The following MDFIC variants were observed in gnomAD, a reference collection of about 807,000 sequenced individuals.
The protein encoded by MDFIC is MyoD family inhibitor domain containing.
Under a neutral mutation model 23.2 loss-of-function variants are expected in MDFIC, and 17 were observed. The ratio of observed to expected loss-of-function variants is 0.73; its 90% confidence interval spans 0.50 to 1.10. The LOEUF (loss-of-function observed/expected upper bound fraction) is 1.10. Among genes scored for constraint, MDFIC ranks in the 50% least tolerant of loss-of-function variants. MDFIC has a pLI of 0.00. For synonymous variants in MDFIC, 120 were observed against 115.2 expected, an observed-to-expected ratio of 1.04 and a Z score of -0.27; for missense variants, 356 against 316.6, an observed-to-expected ratio of 1.12 and a Z score of -0.95.
At chr7:115,007,293 C>G (rs1791588100) in intron 4 of MDFIC, among the ~76,000 whole-genome samples, 1 of 152,172 alleles carries the variant, frequency 6.6e-6, no homozygotes, top group African/African-American at 2.4e-5. Flanking sequence ...TTAGTAAGCA[C>G]TTGCATGTTA....
intron 4 of MDFIC, among the ~76,000 whole-genome samples, chr7:114,983,511 A>G (rs6466505): frequency 0.39 from 59,011 of 149,980 alleles, 12,076 homozygotes; most frequent in South Asian, 0.51. Context: ...CATGTCTTTA[A>G]CTGTGAGTGT....
chr7:114,952,719 AT>A lies in MDFIC; in HGVS notation c.217+10324del, dbSNP rs576612699. On this transcript the variant is annotated intron_variant, in intron 3 of 4. Coordinates refer to ENST00000393486, the MANE Select transcript of MDFIC (RefSeq NM_001166345.3). Reference sequence around the variant, plus strand: ...GATTAGAAAATTTAAGGAAAAAAAGATTCCCACCATCTCAAATTGTCATGAA... The same window carrying A: ...GATTAGAAAATTTAAGGAAAAAAAGATCCCACCATCTCAAATTGTCATGAA... Among the ~76,000 whole-genome samples the A allele has an allele frequency of 9.2e-5, 14 of 152,220 alleles. No homozygotes were observed. In the South Asian group the frequency reaches 2.9e-3, roughly 32 times the overall value.
chr7:114,995,200 G>T (rs1319269711), intron 4 of MDFIC, among the ~76,000 whole-genome samples: 1 of 152,150 alleles, frequency 6.6e-6, no homozygotes, highest in East Asian at 1.9e-4. Context: ...AGCTCCATCA[G>T]GTCATTTAAG....
rs1161866623 is a variant in MDFIC, at chr7:115,019,031, TAGTA to T, written c.*3100_*3103del. 6.6e-6 allele frequency: 1 copy of T among 151,946 alleles called. No homozygotes were observed. The highest frequency in any genetic ancestry group is 1.5e-5 in the Non-Finnish European group (1 of 67,862). The allele number at this position is 151,946 out of a possible 1,614,324, so 9.4% of individuals were successfully genotyped here. A position where few individuals can be genotyped will look rare whatever the true frequency, so the allele number is the denominator to read the frequency against. On this transcript the variant is annotated 3_prime_UTR_variant, in exon 5 of 5. Coordinates refer to ENST00000393486, the MANE Select transcript of MDFIC (RefSeq NM_001166345.3). Reference sequence around the variant, plus strand: ...CAAGTTTTTTTTTTTTACATCGTTTTAGTAAGTTAATTTCATTTATTTACTTTGG... The same window carrying T: ...CAAGTTTTTTTTTTTTACATCGTTTTAGTTAATTTCATTTATTTACTTTGG...
In MDFIC at chr7:114,938,880, C is replaced by G. The variant is rs558933212; in HGVS notation, c.95-3395C>G. 6.6e-5 allele frequency among the ~76,000 whole-genome samples: 10 copies of G among 152,224 alleles called. No homozygotes were observed. In the South Asian group the frequency reaches 1.9e-3, roughly 28 times the overall value. ...AACCAGGGCTGAGTTCTTTGTTTCT[C>G]ATTTCAGAAATAACATGAAAAACCT... On this transcript the variant is annotated intron_variant, in intron 2 of 4. Transcript: ENST00000393486.
intron 3 of MDFIC, among the ~76,000 whole-genome samples, chr7:114,953,180 T>G (rs1302341036): frequency 1.3e-5 from 2 of 152,186 alleles, no homozygotes; most frequent in Non-Finnish European, 2.9e-5. Context: ...TAGTCTAGCT[T>G]TACATCTTTT....
In MDFIC at chr7:115,016,644, CTAAATAAATAAA is replaced by C. The variant is rs35602216; in HGVS notation, c.*742_*753del. 0.012 allele frequency: 1,660 copies of C among 142,434 alleles called. 18 individuals are homozygous for C. The highest frequency in any genetic ancestry group is 0.018 in the Non-Finnish European group (1,176 of 66,548). The allele number at this position is 142,434 out of a possible 1,614,324, so 8.8% of individuals were successfully genotyped here. ...TGGGCAACAGAGCGAGACTCCATCT[CTAAATAAATAAA>C]TAAATAAATAAATAAATAAATAAAT... is the stretch of plus-strand genomic sequence containing the variant. On this transcript the variant is annotated 3_prime_UTR_variant, in exon 5 of 5. Transcript: ENST00000393486.
intron 2 of MDFIC, chr7:114,923,452 C>T (rs922344765): frequency 5.2e-6 from 8 of 1,537,618 alleles, no homozygotes; most frequent in Non-Finnish European, 7.0e-6. Flanking sequence ...AAGCGCTTCT[C>T]CTCTAGGTCT....
chr7:114,945,161 G>T (rs933685967), intron 3 of MDFIC, among the ~76,000 whole-genome samples: 3 of 152,174 alleles, frequency 2.0e-5, no homozygotes, highest in Non-Finnish European at 2.9e-5. Flanking sequence ...TGTCTCCGTT[G>T]TGCCGGATGG....
intron 4 of MDFIC, among the ~76,000 whole-genome samples, chr7:115,003,076 G>C (rs1791495501): frequency 6.6e-6 from 1 of 152,142 alleles, no homozygotes; most frequent in South Asian, 2.1e-4. Context: ...TGGCCAAACA[G>C]AGTATCTGAC....
At chr7:114,971,186 G>A (rs925623504) in intron 3 of MDFIC, among the ~76,000 whole-genome samples, 12 of 152,162 alleles carry the variant, frequency 7.9e-5, no homozygotes, top group African/African-American at 2.9e-4. Flanking sequence ...GTTTTCTGCA[G>A]AGTACCATGA....
chr7:115,010,284 C>G (rs928462720), intron 4 of MDFIC, among the ~76,000 whole-genome samples: 1 of 152,086 alleles, frequency 6.6e-6, no homozygotes, highest in Admixed American at 6.5e-5. Context: ...ACTGTTTCTT[C>G]TTAGTTTATT....
At chr7:114,942,988 T>G (rs1792575579) in intron 3 of MDFIC, among the ~76,000 whole-genome samples, 1 of 152,222 alleles carries the variant, frequency 6.6e-6, no homozygotes, top group Admixed American at 6.5e-5. Flanking sequence ...GTTTACGTTC[T>G]GGTCACTAAG....
At chr7:114,928,439 T>G (rs1271254509) in intron 2 of MDFIC, among the ~76,000 whole-genome samples, 1 of 152,142 alleles carries the variant, frequency 6.6e-6, no homozygotes, top group African/African-American at 2.4e-5. Context: ...ATATCTCTAG[T>G]AGGGGATTTG....
At chr7:114,994,709 G>C (rs567528577) in intron 4 of MDFIC, among the ~76,000 whole-genome samples, 8 of 152,094 alleles carry the variant, frequency 5.3e-5, no homozygotes, top group East Asian at 1.9e-4. Flanking sequence ...AAGTTTCTGC[G>C]GAGAGATCAG....
chr7:114,951,319 C>G (rs1392329617), intron 3 of MDFIC, among the ~76,000 whole-genome samples: 1 of 151,816 alleles, frequency 6.6e-6, no homozygotes, highest in African/African-American at 2.4e-5. Context: ...TTGATATTCT[C>G]TAAGGTGAGG....
intron 4 of MDFIC, among the ~76,000 whole-genome samples, chr7:115,010,560 A>AGG (rs1791662224): frequency 6.6e-6 from 1 of 152,182 alleles, no homozygotes; most frequent in Non-Finnish European, 1.5e-5. Flanking sequence ...ATGTTGTTTA[A>AGG]TATCTCTATG....
intron 3 of MDFIC, among the ~76,000 whole-genome samples, chr7:114,971,702 G>GA (rs1460161534): frequency 6.6e-6 from 1 of 152,176 alleles, no homozygotes; most frequent in South Asian, 2.1e-4. Flanking sequence ...AAGCATTAGA[G>GA]AAAAGCTATA....
intron 3 of MDFIC, among the ~76,000 whole-genome samples, chr7:114,965,126 T>C (rs752808630): frequency 1.3e-5 from 2 of 152,090 alleles, no homozygotes; most frequent in Non-Finnish European, 2.9e-5. Context: ...TAGGTGTTGA[T>C]GTAAGAGTAA....
Sources: gnomAD v4.1 joint callset for allele counts (sites outside exome capture counted in the v4.1 genomes callset) on GRCh38, gnomAD v4.1.1 for gene constraint, MANE v1.5 for transcripts, NCBI Gene and HGNC (gene_info 2026-07-23, HGNC 2026-07-21) for gene names.